SLIT3: variants seen among roughly 807,000 people sequenced by gnomAD.
SLIT3 encodes the protein slit guidance ligand 3.
SLIT3 carries 68 observed loss-of-function variants against 184.0 expected under a neutral mutation model. The observed-to-expected ratio is 0.37, with a 90% CI of 0.30 to 0.45. The LOEUF (loss-of-function observed/expected upper bound fraction) is 0.45. Ranked by LOEUF, SLIT3 falls within the 20% of genes least tolerant of loss-of-function variation. SLIT3 has a pLI of 1.00. For synonymous variants in SLIT3, 831 were observed against 828.6 expected (o/e 1.00, Z -0.05); for missense variants, 1,707 against 2,026.0 (o/e 0.84, Z 3.02).
intron 4 of SLIT3, among the ~76,000 whole-genome samples, chr5:168,997,263 T>C (rs1755544445): frequency 6.6e-6 from 1 of 151,834 alleles, no homozygotes; most frequent in South Asian, 2.1e-4. Flanking sequence ...ATTTGGAGGG[T>C]TGGGAAGGGG....
At chr5:168,673,419 C>T in intron 32 of SLIT3, 88 bp from the exon 33 acceptor site, 2 of 1,212,268 alleles carry the variant, frequency 1.6e-6, no homozygotes, top group East Asian at 2.5e-5. Context: ...ACCTGCATTG[C>T]TTACATTTTG....
At chr5:169,093,788 T>C (rs139578818) in intron 4 of SLIT3, among the ~76,000 whole-genome samples, 4,276 of 152,328 alleles carry the variant, frequency 0.028, 86 homozygotes, top group Non-Finnish European at 0.041. Flanking sequence ...TGATCAAGTG[T>C]GATCAGTTGA....
intron 4 of SLIT3, among the ~76,000 whole-genome samples, chr5:168,903,714 CCT>C (rs1162154552): frequency 6.6e-6 from 1 of 152,156 alleles, no homozygotes; most frequent in East Asian, 1.9e-4. Flanking sequence ...CCTTTCTTCT[CCT>C]CTCTGTTATT....
intron 4 of SLIT3, among the ~76,000 whole-genome samples, chr5:169,186,792 A>C (rs569843634): frequency 2.6e-5 from 4 of 152,212 alleles, no homozygotes; most frequent in African/African-American, 9.6e-5. Context: ...AGGAGGACTC[A>C]GCCCTGGGAA....
At chr5:168,856,821 G>C (rs73805258) in intron 5 of SLIT3, among the ~76,000 whole-genome samples, 2,188 of 149,808 alleles carry the variant, frequency 0.015, 71 homozygotes, top group African/African-American at 0.05. Flanking sequence ...GCGCGCGCAC[G>C]CCTTTGTTCA....
chr5:169,111,051 C>T (rs940139571), intron 4 of SLIT3, among the ~76,000 whole-genome samples: 7 of 152,190 alleles, frequency 4.6e-5, no homozygotes, highest in Non-Finnish European at 1.0e-4. Context: ...TCAAACTGCC[C>T]GTGCATCCTT....
At chr5:169,137,739 C>CT (rs922420922) in intron 4 of SLIT3, among the ~76,000 whole-genome samples, 5 of 151,962 alleles carry the variant, frequency 3.3e-5, no homozygotes, top group African/African-American at 4.8e-5. Flanking sequence ...GGGTGACCAA[C>CT]TATCCCCATT....
chr5:168,744,554 G>C (rs1306180328), intron 20 of SLIT3, among the ~76,000 whole-genome samples: 1 of 152,194 alleles, frequency 6.6e-6, no homozygotes, highest in Non-Finnish European at 1.5e-5. Context: ...TGACTTTCTT[G>C]TTAGGGGCCA....
intron 4 of SLIT3, among the ~76,000 whole-genome samples, chr5:168,974,526 A>C (rs1009646572): frequency 2.6e-5 from 4 of 152,222 alleles, no homozygotes; most frequent in Non-Finnish European, 5.9e-5. Context: ...ACAGATTTTC[A>C]TATCACTGTG....
At chr5:169,226,447 A>G (rs1764813098) in intron 3 of SLIT3, among the ~76,000 whole-genome samples, 1 of 152,128 alleles carries the variant, frequency 6.6e-6, no homozygotes, top group Non-Finnish European at 1.5e-5. Context: ...GAAGGCCTAG[A>G]ACACACTAAG....
intron 4 of SLIT3, among the ~76,000 whole-genome samples, chr5:168,909,009 C>T (rs562266792): frequency 1.3e-5 from 2 of 152,284 alleles, no homozygotes; most frequent in East Asian, 3.9e-4. Flanking sequence ...ACATGAAAAC[C>T]ACCAGGTACC....
intron 4 of SLIT3, among the ~76,000 whole-genome samples, chr5:168,958,852 C>G (rs560601909): frequency 6.6e-6 from 1 of 152,348 alleles, no homozygotes; most frequent in South Asian, 2.1e-4. Flanking sequence ...TCTAACCTAA[C>G]CCCTTGGATC....
intron 3 of SLIT3, among the ~76,000 whole-genome samples, chr5:169,242,357 C>T (rs1236047137): frequency 6.6e-6 from 1 of 152,218 alleles, no homozygotes; most frequent in Non-Finnish European, 1.5e-5. Context: ...GTTCACTAAG[C>T]CTGTTTCCTC....
At chr5:169,243,272 A>G (rs1391989872) in intron 3 of SLIT3, among the ~76,000 whole-genome samples, 1 of 152,194 alleles carries the variant, frequency 6.6e-6, no homozygotes, top group African/African-American at 2.4e-5. Context: ...TGGCCTTTTC[A>G]CAAAGGACCA....
At chr5:168,668,383 C>A (rs1441275339) in intron 35 of SLIT3, among the ~76,000 whole-genome samples, 1 of 152,066 alleles carries the variant, frequency 6.6e-6, no homozygotes, top group East Asian at 1.9e-4. Flanking sequence ...TGGTCAATGT[C>A]AGGGGGCCAC....
intron 4 of SLIT3, among the ~76,000 whole-genome samples, chr5:169,177,078 C>T (rs1763009218): frequency 6.6e-6 from 1 of 152,150 alleles, no homozygotes; most frequent in African/African-American, 2.4e-5. Flanking sequence ...TGGCCCTTTC[C>T]CCTGAGTAAT....
intron 4 of SLIT3, among the ~76,000 whole-genome samples, chr5:169,093,276 A>G (rs1229920524): frequency 6.6e-6 from 1 of 152,084 alleles, no homozygotes; most frequent in Non-Finnish European, 1.5e-5. Context: ...CCAGGATTGT[A>G]CCCTACCAGT....
chr5:168,691,375 A>G (rs1761900321), intron 29 of SLIT3, among the ~76,000 whole-genome samples: 1 of 152,188 alleles, frequency 6.6e-6, no homozygotes, highest in African/African-American at 2.4e-5. Context: ...GGTTCCCTGA[A>G]GTCCTAAGTC....
rs1554106510 is a variant in SLIT3 at position 169,198,976 on chromosome 5, A to ACACG, written c.342-5427_342-5426insCGTG. Among the ~76,000 whole-genome samples, 67 of 149,328 alleles carry ACACG rather than the reference A, an allele frequency of 4.5e-4. 2 individuals are homozygous for ACACG. Among genetic ancestry groups the ACACG allele is most frequent in the East Asian group, 1.4e-3 (7 of 5,020 alleles). Reference sequence around the variant, plus strand: ...TATACACACACACACACACACACACATATGTGTGTATATTTATATATATAT... The same window carrying ACACG: ...TATACACACACACACACACACACACACACGTATGTGTGTATATTTATATATATAT... On this transcript the variant is annotated intron_variant, in intron 3 of 35. Transcript: ENST00000519560.
Sources: allele counts gnomAD v4.1 joint callset (sites outside exome capture counted in the v4.1 genomes callset), GRCh38; gene constraint gnomAD v4.1.1; transcripts MANE v1.5; gene names NCBI Gene and HGNC (gene_info 2026-07-23, HGNC 2026-07-21).